Variants in SPPL3 observed in about 807,000 individuals in gnomAD.
SPPL3 encodes the protein signal peptide peptidase like 3, also known as signal peptide peptidase-like 3.
Under a neutral mutation model 42.4 loss-of-function variants are expected in SPPL3, and 5 were observed. The ratio of observed to expected loss-of-function variants is 0.12; its 90% CI spans 0.06 to 0.25. SPPL3 has a LOEUF of 0.25. Ranked by LOEUF, SPPL3 falls within the 10% of genes least tolerant of loss-of-function variation. SPPL3 has a pLI of 1.00. For missense variants in SPPL3, 235 were observed against 489.0 expected, an observed-to-expected ratio of 0.48 and a Z score of 4.90; for synonymous variants, 195 against 181.8, an observed-to-expected ratio of 1.07 and a Z score of -0.58.
intron 3 of SPPL3, among the ~76,000 whole-genome samples, chr12:120,789,698 G>A (rs1427967358): frequency 2.0e-5 from 3 of 151,162 alleles, no homozygotes; most frequent in Non-Finnish European, 2.9e-5. Context: ...GGTGGCGAGC[G>A]CCTGTAATCC....
chr12:120,872,151 T>C (rs1872953804), intron 1 of SPPL3, among the ~76,000 whole-genome samples: 1 of 152,236 alleles, frequency 6.6e-6, no homozygotes, highest in African/African-American at 2.4e-5. Flanking sequence ...GTTATTATTT[T>C]CTTTTCCAAA....
At chr12:120,894,664 G>C (rs756800211) in intron 1 of SPPL3, among the ~76,000 whole-genome samples, 3 of 152,170 alleles carry the variant, frequency 2.0e-5, no homozygotes, top group Non-Finnish European at 4.4e-5. Context: ...ATAAACTACT[G>C]GCCAGGCGCA....
At chr12:120,833,772 TGTGTGTG>T (rs1871516660) in intron 1 of SPPL3, among the ~76,000 whole-genome samples, 1 of 12,396 alleles carries the variant, frequency 8.1e-5, no homozygotes, top group Admixed American at 1.4e-3. Context: ...TTAAAGTGTG[TGTGTGTG>T]TGTGTGTGTG....
intron 1 of SPPL3, among the ~76,000 whole-genome samples, chr12:120,881,046 A>AACACAC (rs139801818): frequency 6.6e-6 from 1 of 151,826 alleles, no homozygotes; most frequent in South Asian, 2.1e-4. Flanking sequence ...ATTGAAAGAA[A>AACACAC]ACACACACAC....
Position 120,764,492 on chromosome 12 carries a change from CA to C in SPPL3, c.*506del. On this transcript the variant is annotated 3_prime_UTR_variant, in exon 11 of 11. Coordinates refer to ENST00000353487, the MANE Select transcript of SPPL3 (RefSeq NM_139015.5). ...CACCACAGAAAATATTTAATAAATC[CA>C]AAAAAAGGAAAGAAGAATATAACGA... The C allele has an allele frequency of 1.2e-5, 2 of 167,826 alleles. No individual in the cohort carries two copies. Among genetic ancestry groups the C allele is most frequent in the Non-Finnish European group, 2.5e-5 (2 of 78,844 alleles). The allele number at this position is 167,826 out of a possible 1,614,324, so 10.4% of individuals were successfully genotyped here.
rs1874067651 is a variant in SPPL3 at position 120,903,820 on chromosome 12, C to T, written c.23+25G>A. ...CCCGACCCCCACCCTTGCCGCCTCC[C>T]GGCCTCCCGGAGCCCCGCACTCACC... is the stretch of plus-strand genomic sequence containing the variant. On this transcript the variant is annotated intron_variant, in intron 1 of 10. Coordinates refer to ENST00000353487, the MANE Select transcript of SPPL3 (RefSeq NM_139015.5). 3 of 1,466,204 alleles carry T rather than the reference C, an allele frequency of 2.0e-6. No individual in the cohort carries two copies. The Admixed American group carries it at 7.3e-5, about 36-fold the overall frequency. The allele number at this position is 1,466,204 out of a possible 1,614,324, so 90.8% of individuals were successfully genotyped here.
At chr12:120,888,883 C>T (rs1254568407) in intron 1 of SPPL3, among the ~76,000 whole-genome samples, 4 of 152,160 alleles carry the variant, frequency 2.6e-5, no homozygotes, top group Admixed American at 6.5e-5. Context: ...AATCTCAGCT[C>T]ACTGCAACCT....
At chr12:120,809,328 G>C (rs918438044) in intron 2 of SPPL3, among the ~76,000 whole-genome samples, 1 of 151,786 alleles carries the variant, frequency 6.6e-6, no homozygotes, top group African/African-American at 2.4e-5. Context: ...CTGGGCAACA[G>C]AGTGAGACTC....
At chr12:120,896,969 C>T (rs945866398) in intron 1 of SPPL3, among the ~76,000 whole-genome samples, 2 of 152,108 alleles carry the variant, frequency 1.3e-5, no homozygotes, top group Admixed American at 6.6e-5. Context: ...GTTTCAGATG[C>T]CAAAAACAGC....
intron 1 of SPPL3, among the ~76,000 whole-genome samples, chr12:120,817,106 A>C (rs1213162682): frequency 4.0e-5 from 6 of 151,720 alleles, no homozygotes; most frequent in Non-Finnish European, 1.5e-5. Flanking sequence ...CCTGGGCAAC[A>C]AATGAGATGT....
At chr12:120,822,984 C>G (rs1871116564) in intron 1 of SPPL3, among the ~76,000 whole-genome samples, 1 of 151,378 alleles carries the variant, frequency 6.6e-6, no homozygotes, top group African/African-American at 2.4e-5. Flanking sequence ...AACAGGGAGA[C>G]AAAAAGAAGT....
Position 120,820,444 on chromosome 12 carries a change from T to A in SPPL3, c.24-9558A>T, listed in dbSNP as rs566806717. Among the ~76,000 whole-genome samples, 314 of 151,634 alleles carry A rather than the reference T, an allele frequency of 2.1e-3. 1 individual carries two copies. The highest frequency in any genetic ancestry group is 7.3e-3 in the African/African-American group (302 of 41,352). On this transcript the variant is annotated intron_variant, in intron 1 of 10. Coordinates refer to ENST00000353487, the MANE Select transcript of SPPL3 (RefSeq NM_139015.5). ...CATTCTCCTGCCTCAGCCTCCTGAGTAGCTGGGACTACAGGCGCCTGCCAC... is the reference window on the plus strand; with the variant it reads ...CATTCTCCTGCCTCAGCCTCCTGAGAAGCTGGGACTACAGGCGCCTGCCAC...
chr12:120,795,662 C>A (rs1870073139), intron 2 of SPPL3, among the ~76,000 whole-genome samples: 1 of 151,856 alleles, frequency 6.6e-6, no homozygotes, highest in Non-Finnish European at 1.5e-5. Flanking sequence ...TTTTACCACT[C>A]ATTTTGAGCT....
intron 1 of SPPL3, among the ~76,000 whole-genome samples, chr12:120,896,393 G>GC (rs1173058570): frequency 1.3e-5 from 2 of 152,100 alleles, no homozygotes; most frequent in African/African-American, 4.8e-5. Context: ...ATCATTTAGA[G>GC]CCCCTCTGAG....
chr12:120,804,005 C>T (rs1870411092), intron 2 of SPPL3, among the ~76,000 whole-genome samples: 1 of 152,196 alleles, frequency 6.6e-6, no homozygotes, highest in Non-Finnish European at 1.5e-5. Context: ...TGAAGGGCAT[C>T]ACAATCATAT....
At chr12:120,793,130 T>C (rs7294422) in intron 2 of SPPL3, among the ~76,000 whole-genome samples, 2,021 of 152,322 alleles carry the variant, frequency 0.013, 36 homozygotes, top group African/African-American at 0.046. Context: ...TGAAGAGACA[T>C]TTCTTCAAAG....
chr12:120,784,422 G>T, intron 4 of SPPL3, 52 bp downstream of exon 4: 1 of 1,497,734 alleles, frequency 6.7e-7, no homozygotes, highest in Non-Finnish European at 8.9e-7. Context: ...TGATAAAGGT[G>T]AAAAATTTTC....
intron 1 of SPPL3, among the ~76,000 whole-genome samples, chr12:120,865,387 G>A (rs1872727738): frequency 6.6e-6 from 1 of 152,224 alleles, no homozygotes; most frequent in Admixed American, 6.5e-5. Context: ...TCTAAAGTCA[G>A]TTTGCTTGGG....
At chr12:120,851,436 C>G (rs550428500) in intron 1 of SPPL3, among the ~76,000 whole-genome samples, 1 of 18,128 alleles carries the variant, frequency 5.5e-5, no homozygotes, top group Admixed American at 9.0e-4. Flanking sequence ...CTTAAAATCT[C>G]AGTCATTTTT....
Sources: allele counts gnomAD v4.1 joint callset (sites outside exome capture counted in the v4.1 genomes callset), GRCh38; gene constraint gnomAD v4.1.1; transcripts MANE v1.5; gene names NCBI Gene and HGNC (gene_info 2026-07-23, HGNC 2026-07-21).